The following PTGES variants were observed in gnomAD, a reference collection of about 807,000 sequenced individuals.
PTGES encodes the protein prostaglandin E synthase.
In PTGES, 3 loss-of-function variants were observed where a neutral mutation model predicts 11.8. The ratio of observed to expected loss-of-function variants is 0.25; its 90% CI spans 0.12 to 0.66. PTGES has a LOEUF of 0.66. Ranked by LOEUF, PTGES falls within the 30% of genes least tolerant of loss-of-function variation. PTGES has a pLI of 0.82. For synonymous variants in PTGES, 94 were observed against 90.4 expected, an observed-to-expected ratio of 1.04 and a Z score of -0.22; for missense variants, 180 against 213.0, an observed-to-expected ratio of 0.85 and a Z score of 0.96.
chr9:129,747,322 A>G (rs943231905), intron 2 of PTGES, among the ~76,000 whole-genome samples: 32 of 152,376 alleles, frequency 2.1e-4, no homozygotes, highest in African/African-American at 7.0e-4. Context: ...ATATTTAGCT[A>G]TAGAAGACAA....
rs553893194 is a variant in PTGES at position 129,748,675 on chromosome 9, G to C, written c.189C>G (p.Pro63=). The C allele has an allele frequency of 7.0e-6, 11 of 1,579,952 alleles. No individual in the cohort carries two copies. Among genetic ancestry groups the C allele is most frequent in the Non-Finnish European group, 4.3e-6 (5 of 1,167,710 alleles). ...HGGPQYCRSD[P]DVERCLRAHR... ...CTTGCCTGAGGCAGCGTTCCACGTC[G>C]GGGTCGCTCCTGCAATACTGGGGGC... The change falls in exon 2 of 3, where the codon CCC becomes CCG. Residue 63 remains proline, a synonymous_variant. Coordinates refer to ENST00000340607, the MANE Select transcript of PTGES (RefSeq NM_004878.5).
chr9:129,740,619 C>T (rs905379647), intron 2 of PTGES, among the ~76,000 whole-genome samples: 3 of 152,062 alleles, frequency 2.0e-5, no homozygotes, highest in Non-Finnish European at 2.9e-5. Flanking sequence ...GTGGTGGGGG[C>T]GGAGGGGCTC....
Position 129,739,484 on chromosome 9 carries a change from C to A in PTGES, c.*127G>T. ...CCCACTGTGCCCAGAGACCCACACG[C>A]GCAGCAGGCTGCCAGGAAACCAGGA... On this transcript the variant is annotated 3_prime_UTR_variant, in exon 3 of 3. Coordinates refer to ENST00000340607, the MANE Select transcript of PTGES (RefSeq NM_004878.5). The surrounding 1 kb of genome is among the most constrained non-coding windows in gnomAD (Gnocchi z 5.7). 2 of 1,334,270 alleles carry A rather than the reference C, an allele frequency of 1.5e-6. No homozygotes were observed. The highest frequency in any genetic ancestry group is 1.5e-5 in the South Asian group (1 of 66,964). The allele number at this position is 1,334,270 out of a possible 1,614,324, so 82.7% of individuals were successfully genotyped here.
At chr9:129,750,425 C>T (rs116981836) in intron 1 of PTGES, among the ~76,000 whole-genome samples, 1 of 152,220 alleles carries the variant, frequency 6.6e-6, no homozygotes. Flanking sequence ...GAATCACCAA[C>T]ACCGAAGGCT....
At chr9:129,748,817 A>C in intron 1 of PTGES, 80 bp from the exon 2 acceptor site, 1 of 1,217,980 alleles carries the variant, frequency 8.2e-7, no homozygotes, top group Admixed American at 2.4e-5. Context: ...CCATGACCAG[A>C]GTTCACAGTG....
At chr9:129,750,013 T>G (rs1588188700) in intron 1 of PTGES, among the ~76,000 whole-genome samples, 1 of 152,190 alleles carries the variant, frequency 6.6e-6, no homozygotes, top group Non-Finnish European at 1.5e-5. Flanking sequence ...ACAGCTCATG[T>G]GCTGTGTGAC....
chr9:129,741,241 TCACAATAAGCACA>T (rs1832991409), intron 2 of PTGES, among the ~76,000 whole-genome samples: 1 of 152,036 alleles, frequency 6.6e-6, no homozygotes, highest in Non-Finnish European at 1.5e-5. Context: ...GGTCCTGAGG[TCACAATAAGCACA>T]GCATGTTCAA....
At chr9:129,750,869 ATGATAC>A (rs1297340418) in intron 1 of PTGES, among the ~76,000 whole-genome samples, 1 of 152,078 alleles carries the variant, frequency 6.6e-6, no homozygotes, top group Non-Finnish European at 1.5e-5. Flanking sequence ...TCCTTCCTGG[ATGATAC>A]TTAGCGCCCA....
In PTGES at chr9:129,752,990, A is replaced by G. The variant is rs1355824049; in HGVS notation, c.23T>C (p.Met8Thr). The G allele has an allele frequency of 6.2e-7, 1 of 1,608,274 alleles. No individual in the cohort carries two copies. The highest frequency in any genetic ancestry group is 1.1e-5 in the South Asian group (1 of 91,084). The change falls in exon 1 of 3, where the codon ATG (methionine) becomes ACG (threonine). Residue 8 changes from methionine to threonine, a missense_variant. Transcript: ENST00000340607. ...GAAGGCCGGGAGGGCCGGGCTGCTC[A>G]TCACCAGGCTGTGGGCAGGCATCTC... is the stretch of plus-strand genomic sequence containing the variant. MPAHSLV[M>T]SSPALPAFLL...
intron 2 of PTGES, 88 bp downstream of exon 2, chr9:129,748,567 A>C (rs1158781541): frequency 1.9e-6 from 2 of 1,039,578 alleles, no homozygotes; most frequent in East Asian, 3.2e-5. Flanking sequence ...AGCCCCTGGG[A>C]GTCCTCCAAG....
chr9:129,751,369 C>G (rs970038132), intron 1 of PTGES, among the ~76,000 whole-genome samples: 1 of 150,162 alleles, frequency 6.7e-6, no homozygotes, highest in African/African-American at 2.5e-5. Flanking sequence ...AAAGGAATCG[C>G]TGGCCTGCTG....
At chr9:129,747,035 C>T (rs561925888) in intron 2 of PTGES, among the ~76,000 whole-genome samples, 1 of 152,358 alleles carries the variant, frequency 6.6e-6, no homozygotes, top group South Asian at 2.1e-4. Flanking sequence ...GCCTCAGCCT[C>T]CCGAGTAGCT....
Position 129,739,567 on chromosome 9 carries a change from C to T in PTGES, c.*44G>A. 6.5e-7 allele frequency: 1 copy of T among 1,535,958 alleles called. No individual in the cohort carries two copies. The highest frequency in any genetic ancestry group is 2.0e-5 in the Admixed American group (1 of 50,318). Reference sequence around the variant, plus strand: ...AAGTCCCCAGGTATAGCCACGGCGGCTCTTGGCCCATGGTCTGGTGGCCAA... The same window carrying T: ...AAGTCCCCAGGTATAGCCACGGCGGTTCTTGGCCCATGGTCTGGTGGCCAA... On this transcript the variant is annotated 3_prime_UTR_variant, in exon 3 of 3. Transcript: ENST00000340607. The surrounding 1 kb of genome is among the most constrained non-coding windows in gnomAD (Gnocchi z 5.7).
Position 129,739,517 on chromosome 9 carries a change from C to G in PTGES, c.*94G>C. The G allele has an allele frequency of 6.8e-7, 1 of 1,468,498 alleles. No individual in the cohort carries two copies. Among genetic ancestry groups the G allele is most frequent in the Non-Finnish European group, 9.0e-7 (1 of 1,107,768 alleles). The allele number at this position is 1,468,498 out of a possible 1,614,324, so 91.0% of individuals were successfully genotyped here. ...GCTGCCAGGAAACCAGGACTCAGGG[C>G]CCACCACAATCTGGAAGGAACATCA... On this transcript the variant is annotated 3_prime_UTR_variant, in exon 3 of 3. Coordinates refer to ENST00000340607, the MANE Select transcript of PTGES (RefSeq NM_004878.5). This position sits in a 1 kb window ranked among gnomAD's most constrained non-coding sequence, Gnocchi z 5.7.
At chr9:129,750,347 T>C (rs1162740385) in intron 1 of PTGES, among the ~76,000 whole-genome samples, 1 of 152,236 alleles carries the variant, frequency 6.6e-6, no homozygotes. Context: ...CAGAGGAGAA[T>C]GCAGCTCAGA....
intron 2 of PTGES, among the ~76,000 whole-genome samples, chr9:129,744,858 CA>C (rs1221312536): frequency 6.6e-6 from 1 of 150,388 alleles, no homozygotes; most frequent in Non-Finnish European, 1.5e-5. Flanking sequence ...GCCTGGGCAA[CA>C]AGAGTGAAAG....
At chr9:129,746,483 G>A (rs532917041) in intron 2 of PTGES, among the ~76,000 whole-genome samples, 1 of 152,206 alleles carries the variant, frequency 6.6e-6, no homozygotes, top group South Asian at 2.1e-4. Context: ...ATTTGAAAGG[G>A]TAAAATAGCA....
chr9:129,750,437 T>C (rs147665589), intron 1 of PTGES, among the ~76,000 whole-genome samples: 422 of 152,320 alleles, frequency 2.8e-3, no homozygotes, highest in African/African-American at 9.3e-3. Flanking sequence ...CCGAAGGCTC[T>C]GTCCGTGGAT....
chr9:129,749,832 G>A (rs1444833813), intron 1 of PTGES, among the ~76,000 whole-genome samples: 1 of 152,184 alleles, frequency 6.6e-6, no homozygotes, highest in East Asian at 1.9e-4. Context: ...AGAGGGCAAG[G>A]GACAGGGGCC....
Sources: allele counts gnomAD v4.1 joint callset (sites outside exome capture counted in the v4.1 genomes callset), GRCh38; gene constraint gnomAD v4.1.1; non-coding constraint Gnocchi (gnomAD v3.1); transcripts MANE v1.5; gene names NCBI Gene and HGNC (gene_info 2026-07-23, HGNC 2026-07-21).